The following PCSK2 variants were observed in gnomAD, a reference collection of about 807,000 sequenced individuals.
PCSK2 encodes the protein proprotein convertase subtilisin/kexin type 2, also known as neuroendocrine convertase 2.
Under a neutral mutation model 69.7 loss-of-function variants are expected in PCSK2, and 14 were observed. That is an observed-to-expected ratio of 0.20 (90% CI 0.13 to 0.31). PCSK2 has a LOEUF of 0.31. Ranked by LOEUF, PCSK2 falls within the 10% of genes least tolerant of loss-of-function variation. The pLI is 1.00. For missense variants in PCSK2, 544 were observed against 842.5 expected, an observed-to-expected ratio of 0.65 and a Z score of 4.39; for synonymous variants, 307 against 320.7, an observed-to-expected ratio of 0.96 and a Z score of 0.46.
At chr20:17,306,889 G>A (rs1412723993) in intron 2 of PCSK2, among the ~76,000 whole-genome samples, 2 of 152,052 alleles carry the variant, frequency 1.3e-5, no homozygotes, top group African/African-American at 2.4e-5. Context: ...AACTATATTG[G>A]TATTTAGAAA....
chr20:17,241,386 T>C (rs2122954735), intron 1 of PCSK2, among the ~76,000 whole-genome samples: 1 of 152,178 alleles, frequency 6.6e-6, no homozygotes, highest in Non-Finnish European at 1.5e-5. Flanking sequence ...TGCTGAGGAA[T>C]TTGGATTTTG....
chr20:17,458,109 C>T (rs1384159896), intron 10 of PCSK2, among the ~76,000 whole-genome samples: 1 of 152,184 alleles, frequency 6.6e-6, no homozygotes, highest in African/African-American at 2.4e-5. Context: ...TTAATATTCT[C>T]TGCTGGCATA....
intron 2 of PCSK2, among the ~76,000 whole-genome samples, chr20:17,278,580 G>A (rs1450810934): frequency 1.3e-5 from 2 of 152,134 alleles, no homozygotes; most frequent in African/African-American, 2.4e-5. Flanking sequence ...TGGGGTGGGA[G>A]GAGAGGGGAG....
intron 4 of PCSK2, among the ~76,000 whole-genome samples, chr20:17,361,637 C>G (rs890612): frequency 6.6e-6 from 1 of 152,144 alleles, no homozygotes; most frequent in African/African-American, 2.4e-5. Context: ...TAAAGTGAGG[C>G]TTTGAAGCAG....
intron 5 of PCSK2, among the ~76,000 whole-genome samples, chr20:17,377,716 GA>G (rs1208198511): frequency 6.6e-6 from 1 of 152,224 alleles, no homozygotes; most frequent in Non-Finnish European, 1.5e-5. Flanking sequence ...AGATCAGACT[GA>G]ATACTGAGAA....
At chr20:17,416,120 G>A (rs1439389524) in intron 6 of PCSK2, among the ~76,000 whole-genome samples, 1 of 152,148 alleles carries the variant, frequency 6.6e-6, no homozygotes, top group Non-Finnish European at 1.5e-5. Flanking sequence ...CATGGACAAG[G>A]ACTTCATGAC....
At chr20:17,269,615 C>T (rs1987780645) in intron 2 of PCSK2, among the ~76,000 whole-genome samples, 1 of 152,062 alleles carries the variant, frequency 6.6e-6, no homozygotes, top group South Asian at 2.1e-4. Context: ...TGTGTTTGGG[C>T]TGGGTAGTGT....
intron 2 of PCSK2, among the ~76,000 whole-genome samples, chr20:17,347,806 A>T (rs1243024264): frequency 2.3e-5 from 3 of 127,742 alleles, no homozygotes; most frequent in Admixed American, 1.6e-4. Flanking sequence ...GAAAGAAAGA[A>T]AGAAAGAAAG....
chr20:17,321,178 T>C (rs1181254469), intron 2 of PCSK2, among the ~76,000 whole-genome samples: 1 of 152,180 alleles, frequency 6.6e-6, no homozygotes, highest in Non-Finnish European at 1.5e-5. Flanking sequence ...TAGGAAGCAA[T>C]ATTAGTTAGA....
chr20:17,403,983 C>T (rs1245509553), intron 5 of PCSK2, among the ~76,000 whole-genome samples: 1 of 152,198 alleles, frequency 6.6e-6, no homozygotes, highest in Non-Finnish European at 1.5e-5. Flanking sequence ...TGGGAAACAG[C>T]ACCCTGTCTA....
At chr20:17,347,950 A>AAG (rs369027273) in intron 2 of PCSK2, among the ~76,000 whole-genome samples, 2 of 70,440 alleles carry the variant, frequency 2.8e-5, no homozygotes, top group East Asian at 5.3e-4. Flanking sequence ...GAAAGAAAGA[A>AAG]AGAAAGAAAG....
intron 5 of PCSK2, among the ~76,000 whole-genome samples, chr20:17,391,704 T>C (rs973487037): frequency 6.6e-6 from 1 of 151,848 alleles, no homozygotes; most frequent in Non-Finnish European, 1.5e-5. Context: ...TCTACAAAAA[T>C]AAAAATTTAA....
chr20:17,474,896 T>C (rs1568665696), intron 11 of PCSK2, among the ~76,000 whole-genome samples: 1 of 152,278 alleles, frequency 6.6e-6, no homozygotes, highest in East Asian at 1.9e-4. Flanking sequence ...AACGATGACA[T>C]AAATATAGTC....
At chr20:17,319,249 C>T (rs534775563) in intron 2 of PCSK2, among the ~76,000 whole-genome samples, 1 of 152,294 alleles carries the variant, frequency 6.6e-6, no homozygotes, top group Admixed American at 6.5e-5. Flanking sequence ...ACCATTAAGA[C>T]ATAATAGATT....
intron 2 of PCSK2, among the ~76,000 whole-genome samples, chr20:17,310,975 C>T (rs1989488780): frequency 7.1e-6 from 1 of 140,332 alleles, no homozygotes; most frequent in African/African-American, 2.7e-5. Context: ...GCACTCCAGC[C>T]TGGGCTACAG....
chr20:17,227,283 C>T lies in PCSK2; in HGVS notation c.-23C>T. On this transcript the variant is annotated 5_prime_UTR_variant, in exon 1 of 12. Transcript: ENST00000262545. ...CCGCCAGCCTGCGCGCCTCCTAGCA[C>T]CACTTTTCACTCCCAAAGAAGGATG... 1 of 1,609,176 alleles carries T rather than the reference C, an allele frequency of 6.2e-7. No individual in the cohort carries two copies. Among genetic ancestry groups the T allele is most frequent in the Admixed American group, 1.7e-5 (1 of 60,006 alleles).
intron 1 of PCSK2, among the ~76,000 whole-genome samples, chr20:17,257,626 G>C (rs982123722): frequency 9.9e-5 from 15 of 152,192 alleles, no homozygotes; most frequent in Admixed American, 9.8e-4. Context: ...AATCAATAAG[G>C]CTTTTTGTTT....
At chr20:17,302,298 T>A (rs1427198366) in intron 2 of PCSK2, among the ~76,000 whole-genome samples, 1 of 152,190 alleles carries the variant, frequency 6.6e-6, no homozygotes, top group African/African-American at 2.4e-5. Context: ...TTATTCTTTG[T>A]CATTTGCCCT....
intron 1 of PCSK2, among the ~76,000 whole-genome samples, chr20:17,241,925 A>T (rs1463828981): frequency 6.6e-6 from 1 of 152,190 alleles, no homozygotes; most frequent in East Asian, 1.9e-4. Flanking sequence ...TTCTGGAATG[A>T]TATATGGAAA....
Sources: allele counts gnomAD v4.1 joint callset (sites outside exome capture counted in the v4.1 genomes callset), GRCh38; gene constraint gnomAD v4.1.1; transcripts MANE v1.5; gene names NCBI Gene and HGNC (gene_info 2026-07-23, HGNC 2026-07-21).